C10orf90: variants seen among roughly 807,000 people sequenced by gnomAD.
The protein encoded by C10orf90 is (E2-independent) E3 ubiquitin-conjugating enzyme FATS.
C10orf90 carries 56 observed loss-of-function variants against 62.5 expected under a neutral mutation model. That is an observed-to-expected ratio of 0.90 (90% CI 0.72 to 1.12). The LOEUF (loss-of-function observed/expected upper bound fraction) is 1.12, where lower values mean the gene tolerates loss of function less well. Ranked by LOEUF, C10orf90 falls within the 50% of genes most tolerant of loss-of-function variation. The pLI, the probability that C10orf90 is intolerant of heterozygous loss-of-function variation, is 0.00. For synonymous variants in C10orf90, 386 were observed against 340.4 expected (o/e 1.13, Z -1.47); for missense variants, 970 against 880.4 (o/e 1.10, Z -1.29).
At chr10:126,624,201 C>T (rs1367071536) in intron 2 of C10orf90, among the ~76,000 whole-genome samples, 1 of 152,082 alleles carries the variant, frequency 6.6e-6, no homozygotes, top group Non-Finnish European at 1.5e-5. Context: ...CAAAAATTAG[C>T]TGGGCATGGT....
At position 126,459,210 on chromosome 10, in the gene C10orf90, A is replaced by T; in HGVS notation, c.2018T>A (p.Leu673Gln). 1.9e-6 allele frequency: 3 copies of T among 1,613,936 alleles called. No individual in the cohort carries two copies. The highest frequency in any genetic ancestry group is 8.5e-7 in the Non-Finnish European group (1 of 1,180,038). ...AATGAACTGAGGCTTACGAACTTCC[A>T]GTGCTTCCTATGCAAAGCAAAGAAA... ...PARSLTLQEA[L>Q]EVRKPQFISR... The change falls in exon 7 of 10, where the codon CTG becomes CAG. Residue 673 changes from leucine to glutamine, a missense_variant. Transcript: ENST00000488181.
chr10:126,540,725 T>C, intron 2 of C10orf90, among the ~76,000 whole-genome samples: 1 of 150,196 alleles, frequency 6.7e-6, no homozygotes, highest in East Asian at 2.0e-4. Flanking sequence ...GAGAGAGGAC[T>C]ACTGCCATAC....
At chr10:126,607,904 A>G (rs188398775) in intron 2 of C10orf90, among the ~76,000 whole-genome samples, 16 of 152,356 alleles carry the variant, frequency 1.1e-4, no homozygotes, top group African/African-American at 3.1e-4. Flanking sequence ...CAAATACCGT[A>G]TGATTCCACT....
chr10:126,576,016 A>C lies in C10orf90; in HGVS notation c.314-62077T>G, dbSNP rs1268258899. 2.6e-5 allele frequency among the ~76,000 whole-genome samples: 4 copies of C among 152,212 alleles called. No homozygotes were observed. The South Asian group carries it at 6.2e-4, about 24-fold the overall frequency. ...TGCTTCAGGATGTTGGTAAGGGAAA[A>C]GATTTAATGAATAAGACCTCAAGGG... On this transcript the variant is annotated intron_variant, in intron 2 of 9. Transcript: ENST00000488181.
chr10:126,478,835 GAGA>G (rs1861029198), intron 4 of C10orf90, among the ~76,000 whole-genome samples: 1 of 152,188 alleles, frequency 6.6e-6, no homozygotes, highest in African/African-American at 2.4e-5. Flanking sequence ...GGGAACAGGG[GAGA>G]AGGATATGGA....
chr10:126,583,996 T>C (rs113627373), intron 2 of C10orf90, among the ~76,000 whole-genome samples: 3,428 of 152,132 alleles, frequency 0.023, 54 homozygotes, highest in African/African-American at 0.045. Context: ...GACTCATGCC[T>C]GTAGTCCCAG....
chr10:126,489,927 C>T (rs1442517468), intron 4 of C10orf90, among the ~76,000 whole-genome samples: 2 of 135,896 alleles, frequency 1.5e-5, no homozygotes, highest in Non-Finnish European at 3.1e-5. Flanking sequence ...CAATTGGAGG[C>T]TAAAGAGGGG....
In C10orf90 at chr10:126,513,869, C is replaced by T; in HGVS notation, c.384G>A (p.Glu128=). Residue 128 remains glutamate (E), a synonymous_variant, in exon 3 of 10, where the codon GAG becomes GAA. Transcript: ENST00000488181. ...ALKNLQSDVT[E]AKSDFTKETL... is the part of the protein sequence containing the mutation. ...TTACCTTGGTGAAGTCAGATTTTGC[C>T]TCTGTGACATCAGACTGGAGATTTT... 1 of 1,611,998 alleles carries T rather than the reference C, an allele frequency of 6.2e-7. No homozygotes were observed. Among genetic ancestry groups the T allele is most frequent in the Non-Finnish European group, 8.5e-7 (1 of 1,178,318 alleles).
intron 7 of C10orf90, among the ~76,000 whole-genome samples, chr10:126,430,111 C>A (rs1857487124): frequency 6.6e-6 from 1 of 152,178 alleles, no homozygotes; most frequent in South Asian, 2.1e-4. Flanking sequence ...AGAGCAACAC[C>A]TTTGAATGCT....
intron 7 of C10orf90, among the ~76,000 whole-genome samples, chr10:126,440,953 A>T (rs1858278057): frequency 6.6e-6 from 1 of 152,220 alleles, no homozygotes; most frequent in Non-Finnish European, 1.5e-5. Context: ...AACTCTGGTA[A>T]TATGACAAAA....
chr10:126,655,900 A>G (rs1204227931), intron 1 of C10orf90, among the ~76,000 whole-genome samples: 1 of 151,418 alleles, frequency 6.6e-6, no homozygotes, highest in Non-Finnish European at 1.5e-5. Flanking sequence ...TGTTTCCATG[A>G]CATGCATGCC....
intron 2 of C10orf90, among the ~76,000 whole-genome samples, chr10:126,527,820 C>T (rs1182242862): frequency 6.6e-6 from 1 of 152,118 alleles, no homozygotes; most frequent in African/African-American, 2.4e-5. Context: ...ATTTATCCGG[C>T]AAATATTTAG....
At chr10:126,620,323 G>A (rs948989097) in intron 2 of C10orf90, among the ~76,000 whole-genome samples, 7 of 152,076 alleles carry the variant, frequency 4.6e-5, no homozygotes, top group African/African-American at 7.2e-5. Flanking sequence ...TTCCCCCTGC[G>A]TCATTGCTGT....
At chr10:126,564,873 TAA>T (rs1291396014) in intron 2 of C10orf90, among the ~76,000 whole-genome samples, 110 of 4,930 alleles carry the variant, frequency 0.022, 19 homozygotes, top group South Asian at 0.038. Flanking sequence ...ATATTATATA[TAA>T]TATATAAAAT....
chr10:126,467,331 A>G (rs552030455), intron 4 of C10orf90, among the ~76,000 whole-genome samples: 1 of 152,342 alleles, frequency 6.6e-6, no homozygotes, highest in East Asian at 1.9e-4. Context: ...CATTTCATGC[A>G]TTCTGAAACG....
In C10orf90 at chr10:126,504,396, G is replaced by T. The variant is rs1422594595; in HGVS notation, c.1095C>A (p.Asp365Glu). Residue 365 changes from aspartate to glutamate, a missense_variant, in exon 4 of 10, where the codon GAC becomes GAA. Coordinates refer to ENST00000488181, the MANE Select transcript of C10orf90 (RefSeq NM_001350921.2). The surrounding 1 kb of genome is among the most constrained non-coding windows in gnomAD (Gnocchi z 4.1). ...QQCPDSIYYV[D>E]KSLSVPIEPP... is the part of the protein sequence containing the mutation. ...GCTCAATGGGGACGGAGAGAGACTT[G>T]TCTACGTAATAGATTGAATCTGGAC... 1 of 1,614,090 alleles carries T rather than the reference G, an allele frequency of 6.2e-7. No homozygotes were observed. Among genetic ancestry groups the T allele is most frequent in the African/African-American group, 1.3e-5 (1 of 74,924 alleles).
chr10:126,541,750 G>A (rs1057463275), intron 2 of C10orf90, among the ~76,000 whole-genome samples: 2 of 152,174 alleles, frequency 1.3e-5, no homozygotes, highest in African/African-American at 4.8e-5. Context: ...GTTGCCAATG[G>A]GAATGTAAAA....
intron 7 of C10orf90, among the ~76,000 whole-genome samples, chr10:126,458,736 AG>A (rs1859746273): frequency 6.6e-6 from 1 of 152,220 alleles, no homozygotes; most frequent in South Asian, 2.1e-4. Flanking sequence ...AATATCTATT[AG>A]GAGCCAAGAA....
At chr10:126,511,060 C>T (rs1053582868) in intron 3 of C10orf90, among the ~76,000 whole-genome samples, 12 of 152,212 alleles carry the variant, frequency 7.9e-5, no homozygotes, top group Non-Finnish European at 1.6e-4. Context: ...CAGTCCTCTC[C>T]GCGTTTGCTG....
Sources: gnomAD v4.1 joint callset for allele counts (sites outside exome capture counted in the v4.1 genomes callset) on GRCh38, gnomAD v4.1.1 for gene constraint, Gnocchi (gnomAD v3.1) non-coding constraint, MANE v1.5 for transcripts, NCBI Gene and HGNC (gene_info 2026-07-23, HGNC 2026-07-21) for gene names.